The following DNAH5 variants were observed in gnomAD, a reference collection of about 807,000 sequenced individuals.
The protein encoded by DNAH5 is axonemal beta dynein heavy chain 5.
A neutral mutation model predicts 518.2 loss-of-function variants in DNAH5; 372 were observed. The observed-to-expected ratio is 0.72, with a 90% CI of 0.66 to 0.78. The LOEUF is 0.78. DNAH5 is among the 30% of genes least tolerant of loss of function. The pLI is 0.00. For synonymous variants in DNAH5, 2,039 were observed against 2,025.9 expected (o/e 1.01, Z -0.17); for missense variants, 5,523 against 5,687.0 (o/e 0.97, Z 0.93).
chr5:13,825,846 A>G (rs1762824578), intron 38 of DNAH5, among the ~76,000 whole-genome samples: 1 of 152,218 alleles, frequency 6.6e-6, no homozygotes, highest in Non-Finnish European at 1.5e-5. Flanking sequence ...TTAAGATAGT[A>G]AATTTAATTT....
chr5:13,768,846 G>T, intron 58 of DNAH5, 114 bp downstream of exon 58: 1 of 1,206,206 alleles, frequency 8.3e-7, no homozygotes, highest in Non-Finnish European at 1.2e-6. Context: ...TCACTCAAGT[G>T]GATAGAGCTT....
intron 16 of DNAH5, 113 bp from the exon 17 acceptor site, chr5:13,891,234 T>C: frequency 1.8e-6 from 2 of 1,113,064 alleles, no homozygotes; most frequent in South Asian, 2.6e-5. Context: ...AGATTCTCAG[T>C]TACGTATGTT....
rs373766151 is a variant in DNAH5, at chr5:13,704,704, T to C, written c.13339-3268A>G. On this transcript the variant is annotated intron_variant, in intron 76 of 78. Transcript: ENST00000265104. ...CATAGTATCCGGTTCTTTGGTTCCA[T>C]GATTTTCACCTCATCCATAAATTTT... Among the ~76,000 whole-genome samples, 6 of 152,334 alleles carry C rather than the reference T, an allele frequency of 3.9e-5. No individual in the cohort carries two copies. In the East Asian group the frequency reaches 7.7e-4, roughly 20 times the overall value.
chr5:13,801,692 G>A (rs1580320953), intron 47 of DNAH5, among the ~76,000 whole-genome samples: 1 of 152,212 alleles, frequency 6.6e-6, no homozygotes, highest in East Asian at 1.9e-4. Flanking sequence ...TTTCTAAAGG[G>A]CAATGCAATC....
At position 13,862,690 on chromosome 5, in the gene DNAH5, T is replaced by C. The variant is rs1194113504; in HGVS notation, c.4654A>G (p.Ile1552Val). 1 of 1,614,052 alleles carries C rather than the reference T, an allele frequency of 6.2e-7. No homozygotes were observed. The highest frequency in any genetic ancestry group is 1.1e-5 in the South Asian group (1 of 91,084). The change falls in exon 29 of 79, where the codon ATT becomes GTT. Residue 1552 changes from isoleucine to valine, a missense_variant. Coordinates refer to ENST00000265104, the MANE Select transcript of DNAH5 (RefSeq NM_001369.3). ...RDIEQKLKQVINEWDNKTFTF... is the reference protein window; with the variant it reads ...RDIEQKLKQVVNEWDNKTFTF... Reference sequence around the variant, plus strand: ...AATGTTTTATTGTCCCATTCATTAATCACTTGCTTCAGCTTTTGCTCAATG... The same window carrying C: ...AATGTTTTATTGTCCCATTCATTAACCACTTGCTTCAGCTTTTGCTCAATG...
At chr5:13,765,610 CATGTT>C (rs1162056103) in intron 59 of DNAH5, among the ~76,000 whole-genome samples, 2 of 151,988 alleles carry the variant, frequency 1.3e-5, no homozygotes, top group Non-Finnish European at 2.9e-5. Flanking sequence ...TGCATTTATT[CATGTT>C]AAGTTCTATC....
chr5:13,876,637 G>T, intron 22 of DNAH5, 47 bp downstream of exon 22: 3 of 1,604,434 alleles, frequency 1.9e-6, no homozygotes, highest in Non-Finnish European at 2.6e-6. Flanking sequence ...TCACACAAGT[G>T]CATGTTGCAA....
chr5:13,965,316 A>G (rs1054237707), intron 1 of DNAH5, among the ~76,000 whole-genome samples: 1 of 152,194 alleles, frequency 6.6e-6, no homozygotes, highest in African/African-American at 2.4e-5. Flanking sequence ...ATGATTGATA[A>G]GCACCTGAAT....
chr5:13,921,626 A>T (rs1436887936), intron 5 of DNAH5, among the ~76,000 whole-genome samples: 1 of 151,932 alleles, frequency 6.6e-6, no homozygotes, highest in Non-Finnish European at 1.5e-5. Flanking sequence ...AATTATTCTT[A>T]AAGGCCCTTT....
In DNAH5 at chr5:13,716,704, T is replaced by G. The variant is rs1744323995; in HGVS notation, c.12706-14A>C. Reference sequence around the variant, plus strand: ...CCAGGAGACACCCTGGGAAATTTTATAGAATAATTATGTAGAACTGACTAC... The same window carrying G: ...CCAGGAGACACCCTGGGAAATTTTAGAGAATAATTATGTAGAACTGACTAC... On this transcript the variant is annotated splice_polypyrimidine_tract_variant and intron_variant, in intron 73 of 78. Coordinates refer to ENST00000265104, the MANE Select transcript of DNAH5 (RefSeq NM_001369.3). 1 of 1,574,880 alleles carries G rather than the reference T, an allele frequency of 6.3e-7. No homozygotes were observed. Among genetic ancestry groups the G allele is most frequent in the South Asian group, 1.1e-5 (1 of 90,082 alleles).
intron 29 of DNAH5, 24 bp from the exon 30 acceptor site, chr5:13,859,629 G>T: frequency 6.2e-7 from 1 of 1,610,932 alleles, no homozygotes; most frequent in African/African-American, 1.3e-5. Flanking sequence ...TAGGTTTAGG[G>T]TTTGGTTTTG....
chr5:13,713,818 T>C (rs1579868794), intron 75 of DNAH5, among the ~76,000 whole-genome samples: 2 of 152,034 alleles, frequency 1.3e-5, no homozygotes, highest in East Asian at 3.9e-4. Flanking sequence ...AAATACCACC[T>C]GTACCCCAAT....
chr5:13,884,607 C>T (rs964493739), intron 19 of DNAH5, among the ~76,000 whole-genome samples: 3 of 152,196 alleles, frequency 2.0e-5, no homozygotes, highest in Admixed American at 6.5e-5. Context: ...GAGGCCGGGG[C>T]GGGCGGATCA....
At position 13,720,999 on chromosome 5, in the gene DNAH5, C is replaced by T. The variant is rs765520656; in HGVS notation, c.12279+1G>A. ...CACAAAAGTAGACTATTCAGCCTTACGTTCGCCATGGTCTGCTGCAAGAGC... is the reference window on the plus strand; with the variant it reads ...CACAAAAGTAGACTATTCAGCCTTATGTTCGCCATGGTCTGCTGCAAGAGC... On this transcript the variant is annotated splice_donor_variant, in intron 71 of 78. Transcript: ENST00000265104. LOFTEE classifies it high-confidence loss of function. 4 of 1,613,986 alleles carry T rather than the reference C, an allele frequency of 2.5e-6. No homozygotes were observed. The highest frequency in any genetic ancestry group is 2.2e-5 in the South Asian group (2 of 91,084).
intron 50 of DNAH5, 77 bp from the exon 51 acceptor site, chr5:13,788,991 G>A: frequency 7.7e-6 from 10 of 1,300,650 alleles, no homozygotes; most frequent in Non-Finnish European, 7.7e-6. Context: ...CAGTACTGTA[G>A]AGTATTATCC....
intron 75 of DNAH5, among the ~76,000 whole-genome samples, chr5:13,711,602 C>T (rs545972825): frequency 3.3e-5 from 5 of 152,220 alleles, no homozygotes; most frequent in South Asian, 2.1e-4. Context: ...ACGATATGAT[C>T]GCTTGCCTTG....
At chr5:13,990,220 A>T (rs1050349262) in intron 1 of DNAH5, among the ~76,000 whole-genome samples, 1 of 152,224 alleles carries the variant, frequency 6.6e-6, no homozygotes, top group African/African-American at 2.4e-5. Context: ...AGAGACTCAC[A>T]AGAGAACAAC....
chr5:13,814,844 C>G lies in DNAH5; in HGVS notation c.6991G>C (p.Glu2331Gln), dbSNP rs1349321210. The G allele has an allele frequency of 3.1e-6, 5 of 1,613,510 alleles. No individual in the cohort carries two copies. Among genetic ancestry groups the G allele is most frequent in the Non-Finnish European group, 4.2e-6 (5 of 1,179,926 alleles). Residue 2331 changes from glutamate to glutamine, a missense_variant and splice_region_variant, in exon 43 of 79, where the codon GAA (glutamate) becomes CAA (glutamine). Glu to Gln is a conservative substitution (Grantham distance 29). Transcript: ENST00000265104. ...WRKTLRAKKG[E>Q]HIWIILDGPV... Reference sequence around the variant, plus strand: ...CCATCAAGAATTATCCAGATATGTTCCCCTAGAATACCCCACCAAAGGGAA... The same window carrying G: ...CCATCAAGAATTATCCAGATATGTTGCCCTAGAATACCCCACCAAAGGGAA...
intron 19 of DNAH5, 36 bp from the exon 20 acceptor site, chr5:13,883,130 T>G: frequency 1.2e-6 from 2 of 1,604,958 alleles, no homozygotes; most frequent in Non-Finnish European, 1.7e-6. Context: ...ATTCACATTT[T>G]TAATACAAAA....
Sources: allele counts gnomAD v4.1 joint callset (sites outside exome capture counted in the v4.1 genomes callset), GRCh38; gene constraint gnomAD v4.1.1; transcripts MANE v1.5; gene names NCBI Gene and HGNC (gene_info 2026-07-23, HGNC 2026-07-21).